PALLD: variants seen among roughly 807,000 people sequenced by gnomAD.
The protein encoded by PALLD is palladin, cytoskeletal associated protein, also known as palladin.
PALLD carries 61 observed loss-of-function variants against 123.5 expected under a neutral mutation model. The observed-to-expected ratio is 0.49, with a 90% confidence interval of 0.40 to 0.61. PALLD has a LOEUF of 0.61. Ranked by LOEUF, PALLD falls within the 20% of genes least tolerant of loss-of-function variation. The pLI, the probability that PALLD is intolerant of heterozygous loss-of-function variation, is 0.00. For missense variants in PALLD, 1,273 were observed against 1,377.0 expected (o/e 0.92, Z 1.20); for synonymous variants, 465 against 496.4 (o/e 0.94, Z 0.84).
chr4:168,770,480 G>A (rs1014091254), intron 10 of PALLD, among the ~76,000 whole-genome samples: 5 of 152,170 alleles, frequency 3.3e-5, no homozygotes, highest in African/African-American at 7.2e-5. Context: ...AAGTGCTGGC[G>A]ATCTTCAGGA....
Position 168,711,625 on chromosome 4 carries a change from A to G in PALLD, c.1666A>G (p.Asn556Asp), listed in dbSNP as rs1384623556. The change falls in exon 10 of 22, where the codon AAT becomes GAT. Residue 556 changes from asparagine (N) to aspartate (D), a missense_variant. Asn to Asp is a conservative substitution (Grantham distance 23, BLOSUM62 1). This residue lies in a region of PALLD where 944 missense variants were observed against 954.5 expected (regional missense o/e 0.99). Transcript: ENST00000505667. ...CSYESMGESN[N>D]DHFQHFPPPP... ...TTACGAGTCAATGGGAGAATCCAAC[A>G]ATGACCACTTCCAACACTTTCCACC... 1 of 1,614,168 alleles carries G rather than the reference A, an allele frequency of 6.2e-7. No homozygotes were observed. Among genetic ancestry groups the G allele is most frequent in the South Asian group, 1.1e-5 (1 of 91,080 alleles).
intron 10 of PALLD, among the ~76,000 whole-genome samples, chr4:168,736,495 C>T (rs866852950): frequency 2.6e-5 from 4 of 152,180 alleles, no homozygotes; most frequent in Non-Finnish European, 4.4e-5. Flanking sequence ...TATTTTATTC[C>T]GAAGTCCTTT....
intron 10 of PALLD, among the ~76,000 whole-genome samples, chr4:168,729,205 C>G (rs1158750952): frequency 6.6e-6 from 1 of 152,130 alleles, no homozygotes; most frequent in East Asian, 1.9e-4. Flanking sequence ...TTGCTAGGTA[C>G]TACATCATGG....
At chr4:168,891,095 C>G in intron 11 of PALLD, 38 bp downstream of exon 11, 2 of 1,604,392 alleles carry the variant, frequency 1.2e-6, no homozygotes, top group Non-Finnish European at 1.7e-6. Context: ...GGAATGTTAG[C>G]TACCCACATA....
At chr4:168,889,599 T>G (rs998518495) in intron 10 of PALLD, among the ~76,000 whole-genome samples, 1 of 152,230 alleles carries the variant, frequency 6.6e-6, no homozygotes, top group Non-Finnish European at 1.5e-5. Flanking sequence ...AGCCCCCATT[T>G]GACCCTCCCC....
At chr4:168,602,933 T>TA (rs57326647) in intron 2 of PALLD, among the ~76,000 whole-genome samples, 42 of 148,664 alleles carry the variant, frequency 2.8e-4, no homozygotes, top group Middle Eastern at 3.4e-3. Flanking sequence ...CCCAGCTAAT[T>TA]AAAAAAAAAA....
At chr4:168,580,303 G>A (rs1770110749) in intron 2 of PALLD, among the ~76,000 whole-genome samples, 1 of 151,296 alleles carries the variant, frequency 6.6e-6, no homozygotes, top group Non-Finnish European at 1.5e-5. Context: ...TCCATCAACA[G>A]ATGGGCAAAG....
At chr4:168,819,318 C>T (rs1742387696) in intron 10 of PALLD, among the ~76,000 whole-genome samples, 1 of 138,508 alleles carries the variant, frequency 7.2e-6, no homozygotes, top group African/African-American at 2.8e-5. Flanking sequence ...GCAGAGGCTC[C>T]GAGACCATTT....
At chr4:168,852,841 A>G (rs899017604) in intron 10 of PALLD, among the ~76,000 whole-genome samples, 4 of 152,192 alleles carry the variant, frequency 2.6e-5, no homozygotes, top group Non-Finnish European at 5.9e-5. Flanking sequence ...CTAGGTGTGG[A>G]TATCAAGAAA....
At chr4:168,854,592 G>A (rs1169293923) in intron 10 of PALLD, among the ~76,000 whole-genome samples, 1 of 152,150 alleles carries the variant, frequency 6.6e-6, no homozygotes, top group Non-Finnish European at 1.5e-5. Flanking sequence ...TCCAGGTGCC[G>A]CCGCTCCTGC....
At chr4:168,831,576 T>TGC (rs1045872134) in intron 10 of PALLD, among the ~76,000 whole-genome samples, 14 of 152,210 alleles carry the variant, frequency 9.2e-5, no homozygotes, top group African/African-American at 2.4e-4. Context: ...ACACTGTATG[T>TGC]GCTTTCCCTC....
intron 10 of PALLD, among the ~76,000 whole-genome samples, chr4:168,823,030 G>A (rs778502030): frequency 6.6e-6 from 1 of 151,882 alleles, no homozygotes; most frequent in African/African-American, 2.4e-5. Context: ...TTGTGGGTCC[G>A]TTTCTCCATT....
intron 2 of PALLD, among the ~76,000 whole-genome samples, chr4:168,587,541 C>A (rs1460315969): frequency 6.6e-5 from 10 of 152,142 alleles, no homozygotes; most frequent in Admixed American, 4.6e-4. Flanking sequence ...CTAGGGAGAG[C>A]GGATGTGAAG....
chr4:168,629,090 C>T (rs1238770694), intron 2 of PALLD, among the ~76,000 whole-genome samples: 1 of 150,844 alleles, frequency 6.6e-6, no homozygotes, highest in Non-Finnish European at 1.5e-5. Flanking sequence ...GATCTCAGCT[C>T]ACTGCAATCT....
intron 2 of PALLD, among the ~76,000 whole-genome samples, chr4:168,529,346 A>G (rs1457689722): frequency 6.6e-6 from 1 of 152,092 alleles, no homozygotes; most frequent in East Asian, 1.9e-4. Context: ...CGAGAAAAAA[A>G]AAAAAAATGT....
rs958031030 is a variant in PALLD, at chr4:168,878,043, C to G, written c.1965-12879C>G. On this transcript the variant is annotated intron_variant, in intron 10 of 21. Transcript: ENST00000505667. The stretch of plus-strand genomic sequence containing the variant: ...TCCAGCCCCAGCTCGTCCAGCCTCC[C>G]GTCGCCCATGTCCCCGACGCCGAGG... 2.7e-6 allele frequency: 4 copies of G among 1,486,758 alleles called. No homozygotes were observed. The highest frequency in any genetic ancestry group is 3.6e-6 in the Non-Finnish European group (4 of 1,124,822). 92.1% of individuals were successfully genotyped at this position (1,486,758 alleles called of 1,614,324 possible). A position where few individuals can be genotyped will look rare whatever the true frequency, so the allele number is the denominator to read the frequency against.
chr4:168,815,831 C>T (rs1054706681), intron 10 of PALLD, among the ~76,000 whole-genome samples: 1 of 152,164 alleles, frequency 6.6e-6, no homozygotes, highest in African/African-American at 2.4e-5. Context: ...CCTCTGAAAA[C>T]GAGCTCCAAT....
intron 10 of PALLD, chr4:168,863,799 C>A (rs1167647721): frequency 3.3e-5 from 5 of 152,112 alleles, no homozygotes; most frequent in Admixed American, 2.0e-4. Context: ...CCAGTAAGTT[C>A]GTAACTTTTA....
At chr4:168,890,532 T>C (rs1194722172) in intron 10 of PALLD, among the ~76,000 whole-genome samples, 3 of 152,168 alleles carry the variant, frequency 2.0e-5, no homozygotes, top group African/African-American at 4.8e-5. Flanking sequence ...ATGTGGTATA[T>C]ATTTTTTTAA....
Sources: allele counts gnomAD v4.1 joint callset (sites outside exome capture counted in the v4.1 genomes callset), GRCh38; gene constraint gnomAD v4.1.1; regional missense constraint gnomAD v4.1.1; transcripts MANE v1.5; gene names NCBI Gene and HGNC (gene_info 2026-07-23, HGNC 2026-07-21).